The following KCNIP3 variants were observed in gnomAD, a reference collection of about 807,000 sequenced individuals.
KCNIP3 encodes the protein potassium voltage-gated channel interacting protein 3, also known as calsenilin.
Under a neutral mutation model 35.0 loss-of-function variants are expected in KCNIP3, and 28 were observed. The observed-to-expected ratio is 0.80, with a 90% CI of 0.59 to 1.10. The LOEUF is 1.10. Among genes scored for constraint, KCNIP3 ranks in the 50% least tolerant of loss-of-function variants. KCNIP3 has a pLI of 0.00. For missense variants in KCNIP3, 295 were observed against 338.4 expected (o/e 0.87, Z 1.01); for synonymous variants, 134 against 133.8 (o/e 1.00, Z -0.01).
At chr2:95,297,481 T>G (rs1361679697) in intron 1 of KCNIP3, 28 bp downstream of exon 1, 2 of 541,206 alleles carry the variant, frequency 3.7e-6, no homozygotes, top group Non-Finnish European at 5.6e-6. Flanking sequence ...GGGGTCTTGC[T>G]CTGGAGGGGG....
At chr2:95,383,122 C>T (rs1322804816) in intron 7 of KCNIP3, 110 bp from the exon 8 acceptor site, 7 of 415,686 alleles carry the variant, frequency 1.7e-5, no homozygotes. Context: ...CCCACCCGCC[C>T]ATCCACCCAC....
At chr2:95,308,988 C>A (rs1298551007) in intron 1 of KCNIP3, among the ~76,000 whole-genome samples, 1 of 152,210 alleles carries the variant, frequency 6.6e-6, no homozygotes, top group African/African-American at 2.4e-5. Flanking sequence ...CAACCCACCC[C>A]CTGAGTGGCC....
intron 2 of KCNIP3, among the ~76,000 whole-genome samples, chr2:95,329,061 C>T (rs774613221): frequency 6.6e-6 from 1 of 152,212 alleles, no homozygotes; most frequent in Non-Finnish European, 1.5e-5. Flanking sequence ...GGCAAGTCAC[C>T]ATGCCTCTCT....
intron 2 of KCNIP3, among the ~76,000 whole-genome samples, chr2:95,338,991 T>G (rs1679127894): frequency 6.6e-6 from 1 of 152,228 alleles, no homozygotes; most frequent in African/African-American, 2.4e-5. Context: ...GAGACCCATC[T>G]GTACAGGCCG....
At chr2:95,334,285 A>G (rs1679003712) in intron 2 of KCNIP3, among the ~76,000 whole-genome samples, 1 of 152,126 alleles carries the variant, frequency 6.6e-6, no homozygotes, top group Non-Finnish European at 1.5e-5. Context: ...CGCACTAGTT[A>G]GCATGTCCCA....
At chr2:95,379,106 T>C (rs1184794992) in intron 5 of KCNIP3, among the ~76,000 whole-genome samples, 1 of 151,780 alleles carries the variant, frequency 6.6e-6, no homozygotes, top group Non-Finnish European at 1.5e-5. Flanking sequence ...CCCTCAGACA[T>C]ACAACGTTCC....
chr2:95,374,931 AG>A lies in KCNIP3; in HGVS notation c.376+17del, dbSNP rs1223669005. 9.9e-6 allele frequency: 16 copies of A among 1,613,516 alleles called. No homozygotes were observed. Among genetic ancestry groups the A allele is most frequent in the Non-Finnish European group, 1.4e-5 (16 of 1,179,804 alleles). On this transcript the variant is annotated intron_variant, in intron 4 of 8. Transcript: ENST00000295225. ...TCCCTCAGGGAGGTGAGTCTGAGGC[AG>A]GGCAGCCCTGCTGTGTCCCAGTGTG...
At chr2:95,381,275 TCACA>T (rs1213722531) in intron 5 of KCNIP3, among the ~76,000 whole-genome samples, 2 of 151,986 alleles carry the variant, frequency 1.3e-5, no homozygotes, top group African/African-American at 2.4e-5. Flanking sequence ...GTTCACACAC[TCACA>T]CAGGTGCACA....
At chr2:95,304,372 C>T (rs1678119037) in intron 1 of KCNIP3, among the ~76,000 whole-genome samples, 1 of 152,180 alleles carries the variant, frequency 6.6e-6, no homozygotes, top group African/African-American at 2.4e-5. Flanking sequence ...GATAAACTCC[C>T]ACCCATGGTC....
chr2:95,332,245 G>A (rs898472507), intron 2 of KCNIP3, among the ~76,000 whole-genome samples: 3 of 152,252 alleles, frequency 2.0e-5, no homozygotes, highest in African/African-American at 7.2e-5. Flanking sequence ...TGGCCCTGGC[G>A]CTCTGGGGCA....
intron 2 of KCNIP3, among the ~76,000 whole-genome samples, chr2:95,360,765 CAGAGAG>C (rs376282994): frequency 6.7e-6 from 1 of 150,156 alleles, no homozygotes; most frequent in Admixed American, 6.6e-5. Flanking sequence ...GAGCGAGAGA[CAGAGAG>C]AGAGAGAGAG....
chr2:95,364,555 G>T (rs546411671), intron 2 of KCNIP3, among the ~76,000 whole-genome samples: 1 of 152,178 alleles, frequency 6.6e-6, no homozygotes, highest in Non-Finnish European at 1.5e-5. Context: ...AATCACGGGC[G>T]CGGATCCCTC....
intron 1 of KCNIP3, among the ~76,000 whole-genome samples, chr2:95,307,209 C>G (rs567359246): frequency 6.6e-6 from 1 of 152,348 alleles, no homozygotes; most frequent in South Asian, 2.1e-4. Flanking sequence ...CACCCAGACT[C>G]TCTCCACAGG....
chr2:95,331,199 C>A (rs573311999), intron 2 of KCNIP3, among the ~76,000 whole-genome samples: 17 of 152,198 alleles, frequency 1.1e-4, no homozygotes, highest in African/African-American at 3.9e-4. Flanking sequence ...CGGGAGGGAG[C>A]AGCGGTACAT....
Position 95,305,182 on chromosome 2 carries a change from G to A in KCNIP3, c.16-5173G>A, listed in dbSNP as rs528602081. ...CACCCATTAAAATGAGGCCGGCATC[G>A]AGCAGGAGTGGGAGGAGAGAGCCCC... On this transcript the variant is annotated intron_variant, in intron 1 of 8. Coordinates refer to ENST00000295225, the MANE Select transcript of KCNIP3 (RefSeq NM_013434.5). 9.1e-4 allele frequency among the ~76,000 whole-genome samples: 138 copies of A among 152,340 alleles called. 1 individual carries two copies. Among genetic ancestry groups the A allele is most frequent in the South Asian group, 2.3e-3 (11 of 4,820 alleles).
At position 95,382,845 on chromosome 2, in the gene KCNIP3, C is replaced by T. The variant is rs780293054; in HGVS notation, c.660+364C>T. On this transcript the variant is annotated intron_variant, in intron 7 of 8. Transcript: ENST00000295225. This position sits in a 1 kb window ranked among gnomAD's most constrained non-coding sequence, Gnocchi z 4.5. Reference sequence around the variant, plus strand: ...GCTGCAGGGGCTGCAGGCTTTGCCTCCTACTTGCTGGGGCCACTAGACATG... The same window carrying T: ...GCTGCAGGGGCTGCAGGCTTTGCCTTCTACTTGCTGGGGCCACTAGACATG... Among the ~76,000 whole-genome samples, 12 of 152,192 alleles carry T rather than the reference C, an allele frequency of 7.9e-5. No individual in the cohort carries two copies. Among genetic ancestry groups the T allele is most frequent in the Non-Finnish European group, 1.6e-4 (11 of 68,028 alleles).
intron 5 of KCNIP3, among the ~76,000 whole-genome samples, chr2:95,379,911 G>C (rs1321475394): frequency 6.6e-6 from 1 of 152,224 alleles, no homozygotes; most frequent in Non-Finnish European, 1.5e-5. Flanking sequence ...TAAACTGCAG[G>C]CTGTTTTCAT....
Position 95,374,737 on chromosome 2 carries a change from C to T in KCNIP3, c.307-111C>T, listed in dbSNP as rs1294381003. The T allele has an allele frequency of 3.9e-6, 5 of 1,278,408 alleles. No individual in the cohort carries two copies. The East Asian group carries it at 1.2e-4, about 31-fold the overall frequency. The allele number at this position is 1,278,408 out of a possible 1,614,324, so 79.2% of individuals were successfully genotyped here. On this transcript the variant is annotated intron_variant, in intron 3 of 8. Transcript: ENST00000295225. ...AGGCCAGGGGGCCCCAGCAGTGCCA[C>T]AGGCAGCAGGCAGCCCCCAAGGGGG...
At chr2:95,321,841 A>G (rs1024120593) in intron 2 of KCNIP3, among the ~76,000 whole-genome samples, 3 of 152,110 alleles carry the variant, frequency 2.0e-5, no homozygotes, top group East Asian at 1.9e-4. Flanking sequence ...CCTGGAAGAC[A>G]TCGGAGCCCT....
Sources: gnomAD v4.1 joint callset for allele counts (sites outside exome capture counted in the v4.1 genomes callset) on GRCh38, gnomAD v4.1.1 for gene constraint, Gnocchi (gnomAD v3.1) non-coding constraint, MANE v1.5 for transcripts, NCBI Gene and HGNC (gene_info 2026-07-23, HGNC 2026-07-21) for gene names.